HSPE1: variants seen among roughly 807,000 people sequenced by gnomAD.
HSPE1 encodes heat shock protein family E (Hsp10) member 1.
HSPE1 carries 1 observed loss-of-function variant against 13.2 expected under a neutral mutation model. The ratio of observed to expected loss-of-function variants is 0.08; its 90% confidence interval spans 0.03 to 0.36. HSPE1 has a LOEUF of 0.36. Ranked by LOEUF, HSPE1 falls within the 10% of genes least tolerant of loss-of-function variation. HSPE1 has a pLI of 0.99. For missense variants in HSPE1, 73 were observed against 118.7 expected (o/e 0.62, Z 1.79); for synonymous variants, 44 against 42.0 (o/e 1.05, Z -0.19).
chr2:197,500,590 G>C (rs966294515), intron 1 of HSPE1, 151 bp downstream of exon 1: 5 of 1,205,066 alleles, frequency 4.1e-6, no homozygotes, highest in Non-Finnish European at 5.9e-6. Flanking sequence ...GGCAAGGCCC[G>C]CCCGACCCTT....
intron 2 of HSPE1, 136 bp downstream of exon 2, chr2:197,501,374 C>A: frequency 9.6e-7 from 1 of 1,046,276 alleles, no homozygotes; most frequent in Non-Finnish European, 1.4e-6. Context: ...TGGTTCTAAT[C>A]TGTTTCTTAA....
At chr2:197,500,530 G>A in intron 1 of HSPE1, 91 bp downstream of exon 1, 2 of 1,478,036 alleles carry the variant, frequency 1.4e-6, no homozygotes, top group Non-Finnish European at 1.9e-6. Context: ...GGGCTGGGCG[G>A]GAGGGATTGG....
chr2:197,501,382 T>G (rs2086253032), intron 2 of HSPE1, 144 bp downstream of exon 2: 2 of 939,122 alleles, frequency 2.1e-6, no homozygotes, highest in Non-Finnish European at 3.1e-6. Flanking sequence ...ATCTGTTTCT[T>G]AAAGGGAAAT....
chr2:197,501,797 G>T (rs1306229276), intron 2 of HSPE1, among the ~76,000 whole-genome samples: 1 of 149,854 alleles, frequency 6.7e-6, no homozygotes, highest in African/African-American at 2.5e-5. Context: ...CCCCTCAATA[G>T]CAATTTGGTA....
intron 2 of HSPE1, 51 bp downstream of exon 2, chr2:197,501,289 A>G: frequency 6.5e-7 from 1 of 1,529,194 alleles, no homozygotes; most frequent in Non-Finnish European, 8.8e-7. Context: ...AGTGGAGGGA[A>G]AAGAAGTAAT....
intron 1 of HSPE1, chr2:197,500,790 C>T (rs1043522345): frequency 3.5e-6 from 2 of 579,202 alleles, no homozygotes; most frequent in Admixed American, 3.0e-5. Context: ...CTGGAAAAAC[C>T]TGAAGAAGGA....
intron 1 of HSPE1, 91 bp downstream of exon 1, chr2:197,500,530 G>T (rs1337016121): frequency 2.0e-5 from 29 of 1,477,920 alleles, no homozygotes; most frequent in Non-Finnish European, 2.7e-5. Context: ...GGGCTGGGCG[G>T]GAGGGATTGG....
At position 197,501,198 on chromosome 2, in the gene HSPE1, A is replaced by G; in HGVS notation, c.128A>G (p.Gln43Arg). 1.2e-6 allele frequency: 2 copies of G among 1,613,876 alleles called. No individual in the cohort carries two copies. Among genetic ancestry groups the G allele is most frequent in the Non-Finnish European group, 1.7e-6 (2 of 1,179,866 alleles). The change falls in exon 2 of 4, where the codon CAA becomes CGA. Residue 43 changes from glutamine to arginine, a missense_variant. By Grantham distance (43) the Gln-to-Arg change is conservative (BLOSUM62 1). Transcript: ENST00000233893. ...GAAAAATCTCAAGGAAAAGTATTGC[A>G]AGCAACAGTAGTCGCTGTTGGATCG... ...LPEKSQGKVL[Q>R]ATVVAVGSGS...
At chr2:197,502,659 T>G (rs533606913) in intron 2 of HSPE1, among the ~76,000 whole-genome samples, 68 of 152,350 alleles carry the variant, frequency 4.5e-4, no homozygotes, top group African/African-American at 1.6e-3. Context: ...ATATGACCAT[T>G]TGTATATGGC....
intron 2 of HSPE1, among the ~76,000 whole-genome samples, chr2:197,502,318 T>C (rs908706358): frequency 9.2e-5 from 14 of 152,234 alleles, no homozygotes; most frequent in Admixed American, 7.9e-4. Flanking sequence ...GTTCTTCCAG[T>C]GTGGCCCAGG....
intron 2 of HSPE1, 36 bp from the exon 3 acceptor site, chr2:197,503,003 G>A: frequency 8.7e-7 from 1 of 1,150,970 alleles, no homozygotes; most frequent in East Asian, 2.3e-5. Flanking sequence ...GGGTGAACTA[G>A]ATATCTTTGC....
At chr2:197,501,270 A>C (rs1360362867) in intron 2 of HSPE1, 32 bp downstream of exon 2, 1 of 1,580,078 alleles carries the variant, frequency 6.3e-7, no homozygotes, top group South Asian at 1.1e-5. Flanking sequence ...ACTATTTTTT[A>C]TAGTGTGCAG....
chr2:197,500,610 A>T (rs2086239239), intron 1 of HSPE1, 171 bp downstream of exon 1: 1 of 1,020,026 alleles, frequency 9.8e-7, no homozygotes, highest in African/African-American at 1.6e-5. Context: ...TTTCTCCCCC[A>T]GGGCTCTTTG....
chr2:197,500,561 C>G, intron 1 of HSPE1, 122 bp downstream of exon 1: 1 of 1,429,988 alleles, frequency 7.0e-7, no homozygotes. Context: ...GTGACCAGCG[C>G]CCGATGGCAC....
chr2:197,500,441 T>G lies in HSPE1; in HGVS notation c.3+2T>G, dbSNP rs748262049. The G allele has an allele frequency of 2.5e-6, 4 of 1,579,690 alleles. No homozygotes were observed. Among genetic ancestry groups the G allele is most frequent in the Admixed American group, 3.5e-5 (2 of 57,458 alleles). ...GAGTCTGAGGCGGAGGGAGTAATGG[T>G]GAGTCCCGCGTGGCCCCGAGGCCTG... On this transcript the variant is annotated splice_donor_variant, in intron 1 of 3. Coordinates refer to ENST00000233893, the MANE Select transcript of HSPE1 (RefSeq NM_002157.3). LOFTEE classifies it high-confidence loss of function.
chr2:197,500,964 G>T, intron 1 of HSPE1, 110 bp from the exon 2 acceptor site: 1 of 1,243,730 alleles, frequency 8.0e-7, no homozygotes. Flanking sequence ...GCTGAGGTTT[G>T]GTGTTAACTT....
chr2:197,500,384 T>C lies in HSPE1; in HGVS notation c.-53T>C. ...CGTGTCGCCAGGGCCGGACTGCGAG[T>C]CTCTTTGCGGCGCTACACTAGAGCA... is the stretch of plus-strand genomic sequence containing the variant. On this transcript the variant is annotated 5_prime_UTR_variant, in exon 1 of 4. Coordinates refer to ENST00000233893, the MANE Select transcript of HSPE1 (RefSeq NM_002157.3). 6.3e-7 allele frequency: 1 copy of C among 1,585,378 alleles called. No homozygotes were observed. The highest frequency in any genetic ancestry group is 8.6e-7 in the Non-Finnish European group (1 of 1,166,852).
rs745986507 is a variant in HSPE1 at position 197,502,402 on chromosome 2, C to G, written c.169-637C>G. ...GTTTAGGCCTCGGGCTTCTAAAGAT[C>G]TCAGCCAAAATACACAGTAAACGCC... On this transcript the variant is annotated intron_variant, in intron 2 of 3. Transcript: ENST00000233893. Among the ~76,000 whole-genome samples, 33 of 152,186 alleles carry G rather than the reference C, an allele frequency of 2.2e-4. 1 individual carries two copies. Among genetic ancestry groups the G allele is most frequent in the Non-Finnish European group, 4.1e-4 (28 of 68,034 alleles).
At position 197,501,190 on chromosome 2, in the gene HSPE1, A is replaced by G. The variant is rs766023643; in HGVS notation, c.120A>G (p.Lys40=). The part of the protein sequence containing the change: ...GIMLPEKSQG[K]VLQATVVAVG... ...TGCTTCCAGAAAAATCTCAAGGAAA[A>G]GTATTGCAAGCAACAGTAGTCGCTG... Residue 40 remains lysine, a synonymous_variant, in exon 2 of 4, where the codon AAA becomes AAG. Coordinates refer to ENST00000233893, the MANE Select transcript of HSPE1 (RefSeq NM_002157.3). 6 of 1,613,808 alleles carry G rather than the reference A, an allele frequency of 3.7e-6. No individual in the cohort carries two copies. In the African/African-American group the frequency reaches 6.7e-5, roughly 18 times the overall value.
Sources: gnomAD v4.1 joint callset for allele counts (sites outside exome capture counted in the v4.1 genomes callset) on GRCh38, gnomAD v4.1.1 for gene constraint, MANE v1.5 for transcripts, NCBI Gene and HGNC (gene_info 2026-07-23, HGNC 2026-07-21) for gene names.